Variants in SETBP1 observed in about 807,000 individuals in gnomAD.
The protein encoded by SETBP1 is SET binding protein 1.
A neutral mutation model predicts 101.0 loss-of-function variants in SETBP1; 9 were observed. That is an observed-to-expected ratio of 0.09 (90% confidence interval 0.05 to 0.16). The LOEUF (loss-of-function observed/expected upper bound fraction) is 0.16. Among genes scored for constraint, SETBP1 ranks in the 10% least tolerant of loss-of-function variants. SETBP1 has a pLI of 1.00. For synonymous variants in SETBP1, 818 were observed against 788.5 expected, an observed-to-expected ratio of 1.04 and a Z score of -0.63; for missense variants, 1,858 against 2,033.8, an observed-to-expected ratio of 0.91 and a Z score of 1.66.
At chr18:44,741,404 A>G (rs946894970) in intron 2 of SETBP1, among the ~76,000 whole-genome samples, 1 of 152,184 alleles carries the variant, frequency 6.6e-6, no homozygotes, top group African/African-American at 2.4e-5. Flanking sequence ...TCCTCTAGAA[A>G]AATAAAATAC....
intron 2 of SETBP1, among the ~76,000 whole-genome samples, chr18:44,711,704 ATTTTT>A (rs11376628): frequency 8.8e-5 from 11 of 125,654 alleles, no homozygotes; most frequent in Admixed American, 2.5e-4. Context: ...TTATCTTTAA[ATTTTT>A]TTTTTTTTTT....
At chr18:44,841,856 A>C (rs1052334117) in intron 2 of SETBP1, among the ~76,000 whole-genome samples, 17 of 152,274 alleles carry the variant, frequency 1.1e-4, no homozygotes, top group African/African-American at 4.1e-4. Flanking sequence ...GAAATATATG[A>C]GCTCCCTGTG....
At chr18:44,753,404 G>C (rs1444469482) in intron 2 of SETBP1, among the ~76,000 whole-genome samples, 2 of 152,236 alleles carry the variant, frequency 1.3e-5, no homozygotes, top group East Asian at 3.8e-4. Context: ...GGTGTCCTAA[G>C]CATAGGAACT....
intron 2 of SETBP1, among the ~76,000 whole-genome samples, chr18:44,723,507 GAAA>G (rs771418786): frequency 6.6e-6 from 1 of 151,636 alleles, no homozygotes; most frequent in African/African-American, 2.4e-5. Flanking sequence ...TCGGCGGGGG[GAAA>G]AAAAACAACA....
At chr18:44,864,685 C>T (rs2069090444) in intron 2 of SETBP1, among the ~76,000 whole-genome samples, 1 of 152,092 alleles carries the variant, frequency 6.6e-6, no homozygotes, top group Non-Finnish European at 1.5e-5. Flanking sequence ...TCTGTCTGCC[C>T]TCTGCACCCC....
chr18:44,818,466 G>T (rs2072030845), intron 2 of SETBP1, among the ~76,000 whole-genome samples: 2 of 152,102 alleles, frequency 1.3e-5, no homozygotes, highest in African/African-American at 4.8e-5. Flanking sequence ...GGAACTCCTT[G>T]GGTTTAAAAC....
At chr18:44,708,420 T>G (rs1427367257) in intron 2 of SETBP1, among the ~76,000 whole-genome samples, 1 of 152,236 alleles carries the variant, frequency 6.6e-6, no homozygotes, top group Non-Finnish European at 1.5e-5. Flanking sequence ...CCCTCTTGTT[T>G]CATTTTAGTT....
intron 3 of SETBP1, among the ~76,000 whole-genome samples, chr18:44,940,972 A>G (rs1297819345): frequency 6.7e-6 from 1 of 148,508 alleles, no homozygotes; most frequent in Admixed American, 6.8e-5. Context: ...TTTAAAGAAT[A>G]TTTTCGCTGG....
chr18:44,929,464 C>A (rs2070777526), intron 3 of SETBP1, among the ~76,000 whole-genome samples: 1 of 152,238 alleles, frequency 6.6e-6, no homozygotes, highest in African/African-American at 2.4e-5. Flanking sequence ...TTTTCCAATT[C>A]TGTGAAGAAA....
At chr18:44,800,890 A>G (rs1200227283) in intron 2 of SETBP1, among the ~76,000 whole-genome samples, 1 of 152,222 alleles carries the variant, frequency 6.6e-6, no homozygotes, top group Admixed American at 6.5e-5. Context: ...CCAAATGTCC[A>G]TCAATGATAG....
At chr18:44,681,484 C>A (rs1434831416) in intron 1 of SETBP1, among the ~76,000 whole-genome samples, 1 of 151,956 alleles carries the variant, frequency 6.6e-6, no homozygotes, top group South Asian at 2.1e-4. Flanking sequence ...CATGCTGGTT[C>A]TAAAAAAATA....
intron 1 of SETBP1, among the ~76,000 whole-genome samples, chr18:44,694,369 GC>G (rs2068981207): frequency 6.6e-6 from 1 of 152,054 alleles, no homozygotes; most frequent in Non-Finnish European, 1.5e-5. Context: ...ATGCCACCAC[GC>G]CCGACTAATT....
chr18:45,049,169 A>ACTGAATGGTACTAAGAGATT (rs1285040033), intron 5 of SETBP1, among the ~76,000 whole-genome samples: 1 of 152,194 alleles, frequency 6.6e-6, no homozygotes, highest in African/African-American at 2.4e-5. Flanking sequence ...TGAATTTTCA[A>ACTGAATGGTACTAAGAGATT]CTGAATGGTA....
chr18:44,996,862 T>G (rs150307004), intron 4 of SETBP1, among the ~76,000 whole-genome samples: 82 of 152,186 alleles, frequency 5.4e-4, no homozygotes, highest in African/African-American at 1.9e-3. Context: ...GATATGAGGC[T>G]AGTGGAAGAA....
chr18:44,811,792 C>CA (rs1231179553), intron 2 of SETBP1, among the ~76,000 whole-genome samples: 1 of 152,176 alleles, frequency 6.6e-6, no homozygotes, highest in Non-Finnish European at 1.5e-5. Flanking sequence ...TCTGGGTATG[C>CA]AAAAGGCCCC....
At chr18:45,059,688 A>C (rs2073862232) in intron 5 of SETBP1, among the ~76,000 whole-genome samples, 1 of 152,332 alleles carries the variant, frequency 6.6e-6, no homozygotes, top group East Asian at 1.9e-4. Context: ...ATTAGGTGAT[A>C]TTAAAATTCA....
At chr18:44,985,162 G>A (rs1466684365) in intron 4 of SETBP1, among the ~76,000 whole-genome samples, 3 of 152,116 alleles carry the variant, frequency 2.0e-5, no homozygotes, top group Non-Finnish European at 4.4e-5. Flanking sequence ...TTTAAACACT[G>A]AATGAGGTGT....
At chr18:44,770,646 G>T (rs2070852646) in intron 2 of SETBP1, among the ~76,000 whole-genome samples, 1 of 152,104 alleles carries the variant, frequency 6.6e-6, no homozygotes, top group Non-Finnish European at 1.5e-5. Context: ...AATTGTTCAG[G>T]AACAGCCCAC....
chr18:44,819,238 T>G (rs954576044), intron 2 of SETBP1, among the ~76,000 whole-genome samples: 2 of 152,194 alleles, frequency 1.3e-5, no homozygotes, highest in African/African-American at 2.4e-5. Flanking sequence ...ATCCATCACC[T>G]GGTTTCCTTT....
Sources: allele counts gnomAD v4.1 joint callset (sites outside exome capture counted in the v4.1 genomes callset), GRCh38; gene constraint gnomAD v4.1.1; transcripts MANE v1.5; gene names NCBI Gene and HGNC (gene_info 2026-07-23, HGNC 2026-07-21).